LCOR: variants seen among roughly 807,000 people sequenced by gnomAD.
The protein encoded by LCOR is ligand dependent nuclear receptor corepressor, also known as ligand-dependent corepressor.
A neutral mutation model predicts 64.4 loss-of-function variants in LCOR; 14 were observed. The ratio of observed to expected loss-of-function variants is 0.22; its 90% CI spans 0.14 to 0.34. The LOEUF (loss-of-function observed/expected upper bound fraction) is 0.34. Among genes scored for constraint, LCOR ranks in the 10% least tolerant of loss-of-function variants. LCOR has a pLI of 1.00. For missense variants in LCOR, 1,686 were observed against 1,765.3 expected (o/e 0.96, Z 0.80); for synonymous variants, 643 against 642.5 (o/e 1.00, Z -0.01).
At chr10:96,832,919 C>T in intron 1 of LCOR, 1 of 913,894 alleles carries the variant, frequency 1.1e-6, no homozygotes, top group South Asian at 5.0e-5. Flanking sequence ...CGTGCACGCG[C>T]GGCGGGCTGC....
intron 2 of LCOR, among the ~76,000 whole-genome samples, chr10:96,906,505 A>C (rs1846730773): frequency 1.3e-5 from 2 of 152,240 alleles, no homozygotes; most frequent in African/African-American, 4.8e-5. Flanking sequence ...AAGATGGCAA[A>C]GATATTTTTA....
At chr10:96,950,987 T>G (rs1847668539) in intron 6 of LCOR, among the ~76,000 whole-genome samples, 1 of 152,018 alleles carries the variant, frequency 6.6e-6, no homozygotes, top group East Asian at 1.9e-4. Context: ...TTCTTATGAG[T>G]GTGGGGTTTT....
intron 7 of LCOR, among the ~76,000 whole-genome samples, chr10:96,967,246 C>T (rs187329253): frequency 2.5e-4 from 38 of 152,284 alleles, no homozygotes; most frequent in Admixed American, 2.2e-3. Flanking sequence ...ATTCTCGTGC[C>T]TCAGCCACTC....
chr10:96,918,489 A>G (rs1846993406), intron 4 of LCOR, among the ~76,000 whole-genome samples: 2 of 152,202 alleles, frequency 1.3e-5, no homozygotes, highest in Admixed American at 1.3e-4. Context: ...AAAAGTTGTC[A>G]GTGAAAGGAA....
chr10:96,865,967 C>T (rs979710835), intron 2 of LCOR, among the ~76,000 whole-genome samples: 1 of 151,946 alleles, frequency 6.6e-6, no homozygotes, highest in African/African-American at 2.4e-5. Context: ...CTCTTACTGC[C>T]ACAGTAACTG....
At chr10:96,904,244 G>T (rs1846690025) in intron 2 of LCOR, among the ~76,000 whole-genome samples, 1 of 152,132 alleles carries the variant, frequency 6.6e-6, no homozygotes, top group Non-Finnish European at 1.5e-5. Flanking sequence ...TTGAAGGAGA[G>T]AGATACTATA....
intron 7 of LCOR, chr10:96,958,738 AG>A: frequency 3.2e-6 from 1 of 317,456 alleles, no homozygotes; most frequent in Non-Finnish European, 5.9e-6. Flanking sequence ...TTTCCTCCAA[AG>A]GTCTCTCTCT....
chr10:96,918,878 C>T (rs1000256587), intron 4 of LCOR, among the ~76,000 whole-genome samples: 4 of 152,132 alleles, frequency 2.6e-5, no homozygotes, highest in Non-Finnish European at 4.4e-5. Flanking sequence ...TGGAATAGGC[C>T]GTAGTAACTG....
chr10:96,900,998 G>T (rs918078107), intron 2 of LCOR, among the ~76,000 whole-genome samples: 2 of 151,722 alleles, frequency 1.3e-5, no homozygotes, highest in Non-Finnish European at 2.9e-5. Context: ...GACCATCGTG[G>T]CTAACACAGT....
chr10:96,888,124 T>C (rs1405577027), intron 2 of LCOR, among the ~76,000 whole-genome samples: 2 of 150,566 alleles, frequency 1.3e-5, no homozygotes. Flanking sequence ...CCCAGCACTT[T>C]GGGAGGCCGA....
intron 2 of LCOR, among the ~76,000 whole-genome samples, chr10:96,900,931 T>C (rs967040229): frequency 6.6e-6 from 1 of 151,318 alleles, no homozygotes; most frequent in Non-Finnish European, 1.5e-5. Context: ...GGCTCACACC[T>C]GTAATCCCAG....
At chr10:96,854,275 A>G (rs564188044) in intron 2 of LCOR, among the ~76,000 whole-genome samples, 55 of 152,316 alleles carry the variant, frequency 3.6e-4, no homozygotes, top group Middle Eastern at 6.8e-3. Flanking sequence ...GCCTAGTTAC[A>G]TGGAGCGAAA....
chr10:96,908,723 CT>C (rs35691585), intron 4 of LCOR, among the ~76,000 whole-genome samples: 4 of 148,162 alleles, frequency 2.7e-5, no homozygotes, highest in African/African-American at 2.5e-5. Flanking sequence ...CGTATACACT[CT>C]TTTTTTTTTG....
chr10:96,908,705 T>G (rs1039933573), intron 4 of LCOR, among the ~76,000 whole-genome samples: 1 of 147,562 alleles, frequency 6.8e-6, no homozygotes, highest in Non-Finnish European at 1.5e-5. Context: ...GAAAATGCTT[T>G]CTTCTGCCGT....
chr10:96,931,438 G>A (rs1847259230), intron 4 of LCOR, among the ~76,000 whole-genome samples: 1 of 151,988 alleles, frequency 6.6e-6, no homozygotes, highest in African/African-American at 2.4e-5. Context: ...GTTTCACCAT[G>A]TCGGCCAGGC....
rs1489655760 is a variant in LCOR at position 96,984,250 on chromosome 10, A to C, written c.3790A>C (p.Asn1264His). 1 of 1,614,170 alleles carries C rather than the reference A, an allele frequency of 6.2e-7. No individual in the cohort carries two copies. The highest frequency in any genetic ancestry group is 2.2e-5 in the East Asian group (1 of 44,892). Reference protein sequence around the residue: ...MQKLWAKFRENPDQVEPEDGS... With the variant: ...MQKLWAKFREHPDQVEPEDGS... ...GAAGCTCTGGGCCAAATTTCGAGAG[A>C]ATCCTGATCAAGTGGAGCCAGAAGA... The change falls in exon 8 of 8, where the codon AAT becomes CAT. Residue 1264 changes from asparagine to histidine, a missense_variant. Asn to His is a moderately conservative substitution (Grantham distance 68). Around this residue, in one of 3 missense-constraint regions of LCOR, gnomAD observed 1,293 missense variants for 1,410.4 expected, o/e 0.92. Coordinates refer to ENST00000421806, the MANE Select transcript of LCOR (RefSeq NM_001346516.2).
Position 96,993,950 on chromosome 10 carries a change from T to C in LCOR, c.*8816T>C, listed in dbSNP as rs1479440636. ...AGGGTGGGGGTAGAACAGCTCTTGC[T>C]AAGACCTCTTGCCTTTGCTGGAGAG... On this transcript the variant is annotated 3_prime_UTR_variant, in exon 8 of 8. Transcript: ENST00000421806. 6.6e-6 allele frequency: 1 copy of C among 152,138 alleles called. No individual in the cohort carries two copies. The highest frequency in any genetic ancestry group is 6.5e-5 in the Admixed American group (1 of 15,278). 9.4% of individuals were successfully genotyped at this position (152,138 alleles called of 1,614,324 possible). A position where few individuals can be genotyped will look rare whatever the true frequency, so the allele number is the denominator to read the frequency against.
chr10:96,907,773 TA>T, intron 4 of LCOR, 26 bp downstream of exon 4: 1 of 758,270 alleles, frequency 1.3e-6, no homozygotes, highest in Non-Finnish European at 1.6e-6. Flanking sequence ...GTGAAACTTT[TA>T]TTTAGTGTAG....
Position 96,984,948 on chromosome 10 carries a change from A to G in LCOR, c.4488A>G (p.Lys1496=). The G allele has an allele frequency of 6.2e-7, 1 of 1,614,188 alleles. No homozygotes were observed. Among genetic ancestry groups the G allele is most frequent in the Non-Finnish European group, 8.5e-7 (1 of 1,180,040 alleles). ...IASETLTKPA[K]QKGAGESSSR... ...CGGAAACACTGACGAAACCTGCAAAACAGAAGGGGGCCGGTGAATCCTCTT... is the reference window on the plus strand; with the variant it reads ...CGGAAACACTGACGAAACCTGCAAAGCAGAAGGGGGCCGGTGAATCCTCTT... The change falls in exon 8 of 8, where the codon AAA becomes AAG. Residue 1496 remains lysine, a synonymous_variant. Coordinates refer to ENST00000421806, the MANE Select transcript of LCOR (RefSeq NM_001346516.2).
Sources: gnomAD v4.1 joint callset for allele counts (sites outside exome capture counted in the v4.1 genomes callset) on GRCh38, gnomAD v4.1.1 for gene constraint, gnomAD v4.1.1 regional missense constraint, MANE v1.5 for transcripts, NCBI Gene and HGNC (gene_info 2026-07-23, HGNC 2026-07-21) for gene names.